Variants in PRPSAP2 observed in about 807,000 individuals in gnomAD.
The protein encoded by PRPSAP2 is phosphoribosyl pyrophosphate synthetase associated protein 2.
A neutral mutation model predicts 40.6 loss-of-function variants in PRPSAP2; 24 were observed. The observed-to-expected ratio is 0.59, with a 90% CI of 0.43 to 0.83. The LOEUF (loss-of-function observed/expected upper bound fraction) is 0.83. Among genes scored for constraint, PRPSAP2 ranks in the 40% least tolerant of loss-of-function variants. The pLI, the probability that PRPSAP2 is intolerant of heterozygous loss-of-function variation, is 0.00. For missense variants in PRPSAP2, 292 were observed against 465.6 expected (o/e 0.63, Z 3.43); for synonymous variants, 149 against 164.7 (o/e 0.90, Z 0.73).
intron 5 of PRPSAP2, among the ~76,000 whole-genome samples, chr17:18,876,128 C>T (rs1422309663): frequency 6.6e-6 from 1 of 152,072 alleles, no homozygotes; most frequent in Admixed American, 6.6e-5. Flanking sequence ...AGCAGAACTC[C>T]GTCTCAAAAA....
intron 9 of PRPSAP2, among the ~76,000 whole-genome samples, chr17:18,923,245 A>C (rs1225660860): frequency 6.9e-6 from 1 of 145,704 alleles, no homozygotes. Flanking sequence ...GCCCACTAGC[A>C]CACTTGGCTA....
chr17:18,865,913 C>G lies in PRPSAP2; in HGVS notation c.80C>G (p.Ser27Trp), dbSNP rs868518153. 4 of 1,536,478 alleles carry G rather than the reference C, an allele frequency of 2.6e-6. No individual in the cohort carries two copies. The South Asian group carries it at 3.8e-5, about 15-fold the overall frequency. Residue 27 changes from serine (S) to tryptophan (W), a missense_variant, in exon 3 of 12, where the codon TCG becomes TGG. Ser to Trp is a radical substitution (Grantham distance 177, BLOSUM62 -3). Coordinates refer to ENST00000268835, the MANE Select transcript of PRPSAP2 (RefSeq NM_002767.4). ...KGGLVLFSANSNSSCMELSKK... is the reference protein window; with the variant it reads ...KGGLVLFSANWNSSCMELSKK... ...GGTCTGGTGTTGTTTTCAGCAAACT[C>G]GAATTCATCATGTATGGAGCTATCA...
chr17:18,914,452 G>T (rs1212502761), intron 9 of PRPSAP2, among the ~76,000 whole-genome samples: 1 of 150,122 alleles, frequency 6.7e-6, no homozygotes, highest in African/African-American at 2.4e-5. Flanking sequence ...TAGAGACGGG[G>T]TCTTGCTTTG....
upstream of PRPSAP2, chr17:18,856,418 G>C (rs1013250293): frequency 2.1e-4 from 32 of 151,872 alleles, no homozygotes; most frequent in African/African-American, 6.8e-4. Flanking sequence ...CGCTGAAGAG[G>C]AATCAATTTT....
Position 18,911,207 on chromosome 17 carries a change from T to C in PRPSAP2, c.689T>C (p.Met230Thr). ...GTGGATGGACGGCATTCCCCACCCATGGTCAGAAGTGTGGCTGCCATCCAC... is the reference window on the plus strand; with the variant it reads ...GTGGATGGACGGCATTCCCCACCCACGGTCAGAAGTGTGGCTGCCATCCAC... The part of the protein sequence containing the change: ...DLVDGRHSPP[M>T]VRSVAAIHPS... The change falls in exon 9 of 12, where the codon ATG (methionine) becomes ACG (threonine). Residue 230 changes from methionine (M) to threonine (T), a missense_variant. Physicochemically the swap from Met to Thr is moderately conservative, Grantham distance 81. This residue lies in a region of PRPSAP2 where 241 missense variants were observed against 425.7 expected (regional missense o/e 0.57). Coordinates refer to ENST00000268835, the MANE Select transcript of PRPSAP2 (RefSeq NM_002767.4). The surrounding 1 kb of genome is among the most constrained non-coding windows in gnomAD (Gnocchi z 4.5). 1 of 1,613,626 alleles carries C rather than the reference T, an allele frequency of 6.2e-7. No individual in the cohort carries two copies. The highest frequency in any genetic ancestry group is 8.5e-7 in the Non-Finnish European group (1 of 1,179,640).
intron 5 of PRPSAP2, among the ~76,000 whole-genome samples, 200 bp downstream of exon 5, chr17:18,872,849 C>CTT (rs950904446): frequency 6.8e-6 from 1 of 146,256 alleles, no homozygotes. Flanking sequence ...TTCTTTCTTT[C>CTT]TTTTTTTTTT....
At chr17:18,914,457 G>C (rs912923005) in intron 9 of PRPSAP2, among the ~76,000 whole-genome samples, 1 of 145,142 alleles carries the variant, frequency 6.9e-6, no homozygotes, top group African/African-American at 2.6e-5. Context: ...ACGGGGTCTT[G>C]CTTTGTTGCC....
chr17:18,928,808 C>A lies in PRPSAP2; in HGVS notation c.805-3C>A, dbSNP rs776399488. 1 of 1,613,414 alleles carries A rather than the reference C, an allele frequency of 6.2e-7. No homozygotes were observed. The highest frequency in any genetic ancestry group is 1.3e-5 in the African/African-American group (1 of 74,858). ...ACATTCTTTTCCATCTGTGCTTTGGCAGGATGACATCATTGATGATGTTGA... is the reference window on the plus strand; with the variant it reads ...ACATTCTTTTCCATCTGTGCTTTGGAAGGATGACATCATTGATGATGTTGA... On this transcript the variant is annotated splice_polypyrimidine_tract_variant and splice_region_variant and intron_variant, in intron 10 of 11. Transcript: ENST00000268835.
At chr17:18,898,072 C>T (rs970076454) in intron 8 of PRPSAP2, among the ~76,000 whole-genome samples, 1 of 138,436 alleles carries the variant, frequency 7.2e-6, no homozygotes, top group Admixed American at 8.0e-5. Flanking sequence ...AATCTTAGCT[C>T]TTGGTAACCT....
chr17:18,921,529 G>A (rs1166787976), intron 9 of PRPSAP2, among the ~76,000 whole-genome samples: 1 of 152,176 alleles, frequency 6.6e-6, no homozygotes, highest in Non-Finnish European at 1.5e-5. Context: ...GCCTCTGGTT[G>A]TCATATGTCT....
At chr17:18,882,090 C>T (rs1175622339) in intron 6 of PRPSAP2, among the ~76,000 whole-genome samples, 4 of 140,338 alleles carry the variant, frequency 2.9e-5, no homozygotes, top group African/African-American at 5.3e-5. Context: ...CCACCCACCT[C>T]GCCCTCCCAA....
At chr17:18,930,245 C>T (rs996676460) in intron 11 of PRPSAP2, among the ~76,000 whole-genome samples, 6 of 152,074 alleles carry the variant, frequency 3.9e-5, no homozygotes, top group Non-Finnish European at 7.4e-5. Flanking sequence ...TGGTGGCGGG[C>T]GCCTGTCGTC....
intron 9 of PRPSAP2, among the ~76,000 whole-genome samples, chr17:18,921,132 T>C (rs1034082222): frequency 3.3e-5 from 5 of 152,176 alleles, no homozygotes; most frequent in African/African-American, 1.2e-4. Flanking sequence ...AGCATTTTTA[T>C]GGCTAATAAC....
intron 9 of PRPSAP2, among the ~76,000 whole-genome samples, chr17:18,918,826 TTAATG>T (rs1181151721): frequency 1.4e-4 from 21 of 152,338 alleles, no homozygotes; most frequent in South Asian, 4.1e-4. Flanking sequence ...TCTGAAAACT[TTAATG>T]TAAGTATCTC....
intron 8 of PRPSAP2, among the ~76,000 whole-genome samples, chr17:18,895,545 C>CT (rs1194360518): frequency 3.3e-5 from 5 of 149,910 alleles, no homozygotes; most frequent in Non-Finnish European, 7.4e-5. Context: ...CTGTTGACTG[C>CT]TTTTTTACTG....
intron 8 of PRPSAP2, 94 bp downstream of exon 8, chr17:18,889,971 C>A: frequency 9.3e-7 from 1 of 1,076,594 alleles, no homozygotes; most frequent in Non-Finnish European, 1.3e-6. Flanking sequence ...TTCAGTGGTT[C>A]CCAGCGATAT....
At chr17:18,917,868 A>G (rs761571835) in intron 9 of PRPSAP2, among the ~76,000 whole-genome samples, 3 of 151,662 alleles carry the variant, frequency 2.0e-5, no homozygotes, top group Non-Finnish European at 4.4e-5. Context: ...AAGCGATAAG[A>G]GTCAGTCTTC....
intron 6 of PRPSAP2, among the ~76,000 whole-genome samples, chr17:18,880,245 T>A (rs1336268806): frequency 6.6e-6 from 1 of 152,230 alleles, no homozygotes. Context: ...CAGCCTTGCT[T>A]GATGGGCCTC....
intron 1 of PRPSAP2, among the ~76,000 whole-genome samples, chr17:18,863,980 C>T (rs944490343): frequency 6.6e-6 from 1 of 150,840 alleles, no homozygotes; most frequent in African/African-American, 2.4e-5. Flanking sequence ...GCTGGGATTA[C>T]AGGCATGTAC....
Sources: allele counts gnomAD v4.1 joint callset (sites outside exome capture counted in the v4.1 genomes callset), GRCh38; gene constraint gnomAD v4.1.1; regional missense constraint gnomAD v4.1.1; non-coding constraint Gnocchi (gnomAD v3.1); transcripts MANE v1.5; gene names NCBI Gene and HGNC (gene_info 2026-07-23, HGNC 2026-07-21).